TBC1D22A: variants seen among roughly 807,000 people sequenced by gnomAD.
TBC1D22A encodes TBC1 domain family member 22A.
TBC1D22A carries 38 observed loss-of-function variants against 60.2 expected under a neutral mutation model. That is an observed-to-expected ratio of 0.63 (90% CI 0.49 to 0.83). The LOEUF (loss-of-function observed/expected upper bound fraction) is 0.83, where lower values mean the gene tolerates loss of function less well. TBC1D22A is among the 40% of genes least tolerant of loss of function. TBC1D22A has a pLI of 0.00. For synonymous variants in TBC1D22A, 302 were observed against 281.7 expected (o/e 1.07, Z -0.72); for missense variants, 628 against 701.0 (o/e 0.90, Z 1.18).
intron 11 of TBC1D22A, among the ~76,000 whole-genome samples, chr22:47,060,961 T>G (rs2063552272): frequency 6.6e-6 from 1 of 152,228 alleles, no homozygotes; most frequent in Non-Finnish European, 1.5e-5. Flanking sequence ...GAAGATATAT[T>G]TGCAGCCCCT....
intron 10 of TBC1D22A, among the ~76,000 whole-genome samples, chr22:47,027,671 G>A (rs1201075384): frequency 6.6e-6 from 1 of 152,200 alleles, no homozygotes; most frequent in Non-Finnish European, 1.5e-5. Context: ...GTGACCTTAA[G>A]CTAGGCAAGC....
intron 1 of TBC1D22A, among the ~76,000 whole-genome samples, chr22:46,787,598 T>A (rs751691163): frequency 6.6e-6 from 1 of 152,202 alleles, no homozygotes; most frequent in Non-Finnish European, 1.5e-5. Flanking sequence ...TGAGGGAACA[T>A]CTAGTTGCAA....
At chr22:46,763,242 G>A (rs902226956) in intron 1 of TBC1D22A, 9 of 208,134 alleles carry the variant, frequency 4.3e-5, no homozygotes, top group Admixed American at 3.6e-4. Flanking sequence ...TCTGCAGGGG[G>A]TGTGGTGTTT....
intron 11 of TBC1D22A, among the ~76,000 whole-genome samples, chr22:47,052,947 G>A (rs534960730): frequency 3.3e-5 from 5 of 152,198 alleles, no homozygotes; most frequent in African/African-American, 4.8e-5. Context: ...TGGATGCCAC[G>A]CAGCTGTGAC....
In TBC1D22A at chr22:47,059,790, C is replaced by T. The variant is rs574045290; in HGVS notation, c.1329+22592C>T. 3.3e-5 allele frequency among the ~76,000 whole-genome samples: 5 copies of T among 152,234 alleles called. No individual in the cohort carries two copies. In the East Asian group the frequency reaches 7.7e-4, roughly 23 times the overall value. ...ACATGTTTCTGGCATTTAGACTTTA[C>T]GGTAACAGCAGGGATCTTATGATTA... On this transcript the variant is annotated intron_variant, in intron 11 of 12. Transcript: ENST00000337137.
At chr22:47,026,874 T>C (rs557217984) in intron 10 of TBC1D22A, among the ~76,000 whole-genome samples, 1 of 152,336 alleles carries the variant, frequency 6.6e-6, no homozygotes, top group Non-Finnish European at 1.5e-5. Context: ...TCTATAGAAA[T>C]TGACAAGCTG....
chr22:47,147,910 G>A (rs951359969), intron 12 of TBC1D22A, among the ~76,000 whole-genome samples: 1 of 152,212 alleles, frequency 6.6e-6, no homozygotes, highest in Non-Finnish European at 1.5e-5. Flanking sequence ...GCCACTGAGG[G>A]CTTGGCATGA....
In TBC1D22A at chr22:46,797,513, G is replaced by A. The variant is rs763567912; in HGVS notation, c.530G>A (p.Gly177Asp). 1.9e-6 allele frequency: 3 copies of A among 1,613,932 alleles called. No individual in the cohort carries two copies. Among genetic ancestry groups the A allele is most frequent in the South Asian group, 2.2e-5 (2 of 91,084 alleles). ...SLPHSATVTL[G>D]GTSDPSTLSS... Reference sequence around the variant, plus strand: ...CCACACTCGGCCACCGTCACGCTGGGTGGCACATCTGACCCCAGCACTCTC... The same window carrying A: ...CCACACTCGGCCACCGTCACGCTGGATGGCACATCTGACCCCAGCACTCTC... The change falls in exon 4 of 13, where the codon GGT becomes GAT. Residue 177 changes from glycine to aspartate, a missense_variant. By Grantham distance (94) the Gly-to-Asp change is moderately conservative (BLOSUM62 -1). Transcript: ENST00000337137.
chr22:46,941,619 A>G (rs1439432927), intron 8 of TBC1D22A, among the ~76,000 whole-genome samples: 4 of 148,570 alleles, frequency 2.7e-5, no homozygotes, highest in African/African-American at 4.9e-5. Context: ...CGGAATATAT[A>G]TACGGAATAT....
intron 11 of TBC1D22A, among the ~76,000 whole-genome samples, chr22:47,081,639 T>A (rs1486080771): frequency 6.6e-6 from 1 of 152,206 alleles, no homozygotes. Flanking sequence ...AAAAATCAAA[T>A]GTATTTCTGT....
intron 11 of TBC1D22A, among the ~76,000 whole-genome samples, chr22:47,097,633 AAAG>A (rs2065237738): frequency 6.6e-6 from 1 of 152,162 alleles, no homozygotes. Context: ...AAGAAAAAGA[AAAG>A]AAATGCATTG....
chr22:47,097,065 A>C (rs957449076), intron 11 of TBC1D22A, among the ~76,000 whole-genome samples: 1 of 62,234 alleles, frequency 1.6e-5, no homozygotes, highest in South Asian at 7.3e-4. Context: ...CAGTATGGGC[A>C]TGGCCACGTG....
At chr22:47,131,924 C>A (rs1004858569) in intron 12 of TBC1D22A, among the ~76,000 whole-genome samples, 1 of 152,214 alleles carries the variant, frequency 6.6e-6, no homozygotes, top group Non-Finnish European at 1.5e-5. Context: ...CACTCGAGTT[C>A]GTGGCAGCAC....
chr22:46,947,023 T>C (rs1451038989), intron 8 of TBC1D22A, among the ~76,000 whole-genome samples: 3 of 152,266 alleles, frequency 2.0e-5, no homozygotes, highest in Admixed American at 2.0e-4. Context: ...GAGCAAGTCT[T>C]CATCATAGGA....
At chr22:47,008,234 C>A (rs2148287626) in intron 10 of TBC1D22A, among the ~76,000 whole-genome samples, 1 of 152,314 alleles carries the variant, frequency 6.6e-6, no homozygotes, top group South Asian at 2.1e-4. Context: ...TGAGATCCTT[C>A]CAATGTTTGT....
At chr22:46,762,883 G>A in intron 1 of TBC1D22A, 35 bp downstream of exon 1, 1 of 1,470,204 alleles carries the variant, frequency 6.8e-7, no homozygotes, top group African/African-American at 1.5e-5. Flanking sequence ...TCGGGGTCAG[G>A]GGTCAGAGGT....
At chr22:47,084,574 C>T (rs942120724) in intron 11 of TBC1D22A, among the ~76,000 whole-genome samples, 31 of 152,074 alleles carry the variant, frequency 2.0e-4, no homozygotes, top group Non-Finnish European at 3.2e-4. Flanking sequence ...AATGTGCACG[C>T]GGATTCCTGC....
intron 4 of TBC1D22A, among the ~76,000 whole-genome samples, chr22:46,824,994 A>T (rs533738684): frequency 6.6e-6 from 1 of 151,218 alleles, no homozygotes; most frequent in South Asian, 2.1e-4. Flanking sequence ...TGGGGTGTGG[A>T]TGCTGGAGTT....
At chr22:46,856,499 A>G (rs961178505) in intron 4 of TBC1D22A, among the ~76,000 whole-genome samples, 1 of 152,256 alleles carries the variant, frequency 6.6e-6, no homozygotes, top group Non-Finnish European at 1.5e-5. Context: ...GATTTTTAAC[A>G]TGAAATAGCA....
Sources: allele counts gnomAD v4.1 joint callset (sites outside exome capture counted in the v4.1 genomes callset), GRCh38; gene constraint gnomAD v4.1.1; transcripts MANE v1.5; gene names NCBI Gene and HGNC (gene_info 2026-07-23, HGNC 2026-07-21).